The following CCNA2 variants were observed in gnomAD, a reference collection of about 807,000 sequenced individuals.
The protein encoded by CCNA2 is cyclin-A2.
CCNA2 carries 3 observed loss-of-function variants against 49.4 expected under a neutral mutation model. The observed-to-expected ratio is 0.06, with a 90% CI of 0.03 to 0.16. The LOEUF is 0.16. Among genes scored for constraint, CCNA2 ranks in the 10% least tolerant of loss-of-function variants. CCNA2 has a pLI of 1.00. For synonymous variants in CCNA2, 206 were observed against 197.2 expected (o/e 1.04, Z -0.37); for missense variants, 372 against 519.7 (o/e 0.72, Z 2.76).
Position 121,816,495 on chromosome 4 carries a change from T to TA in CCNA2, c.*1142dup, listed in dbSNP as rs1190644205. On this transcript the variant is annotated 3_prime_UTR_variant, in exon 8 of 8. Transcript: ENST00000274026. The stretch of plus-strand genomic sequence containing the variant: ...CAAATGTATACATATACTCAACACT[T>TA]ATAGAGGTTTGCTCTCTGGTTTTAC... 2 of 1,214,102 alleles carry TA rather than the reference T, an allele frequency of 1.6e-6. No individual in the cohort carries two copies. Among genetic ancestry groups the TA allele is most frequent in the East Asian group, 2.4e-5 (1 of 41,836 alleles). The allele number at this position is 1,214,102 out of a possible 1,614,324, so 75.2% of individuals were successfully genotyped here. A position where few individuals can be genotyped will look rare whatever the true frequency, so the allele number is the denominator to read the frequency against.
chr4:121,817,723 A>G (rs1724579607), intron 7 of CCNA2, 37 bp from the exon 8 acceptor site: 1 of 1,611,812 alleles, frequency 6.2e-7, no homozygotes, highest in Non-Finnish European at 8.5e-7. Flanking sequence ...TTTAGTAAAC[A>G]CTCACTGGGT....
rs1479431104 is a variant in CCNA2, at chr4:121,817,527, C to T, written c.*111G>A. The T allele has an allele frequency of 1.4e-5, 19 of 1,333,094 alleles. No homozygotes were observed. Among genetic ancestry groups the T allele is most frequent in the Middle Eastern group, 4.6e-4 (2 of 4,318 alleles). 82.6% of individuals were successfully genotyped at this position (1,333,094 alleles called of 1,614,324 possible). A position where few individuals can be genotyped will look rare whatever the true frequency, so the allele number is the denominator to read the frequency against. On this transcript the variant is annotated 3_prime_UTR_variant, in exon 8 of 8. Coordinates refer to ENST00000274026, the MANE Select transcript of CCNA2 (RefSeq NM_001237.5). ...AATAGATACCATAATTTGTACTTGG[C>T]CACAACTTCTGTATTCAGAAATGAT...
chr4:121,819,037 T>G, intron 5 of CCNA2, 124 bp from the exon 6 acceptor site: 1 of 651,734 alleles, frequency 1.5e-6, no homozygotes, highest in East Asian at 2.7e-5. Context: ...AAAAAATATC[T>G]CACAGCCTCA....
intron 5 of CCNA2, 83 bp downstream of exon 5, chr4:121,819,289 C>CTAGGTTCCTTTACAAAGGAAT (rs1213548664): frequency 7.0e-6 from 7 of 997,072 alleles, no homozygotes; most frequent in African/African-American, 1.6e-5. Context: ...TACAAAGGAA[C>CTAGGTTCCTTTACAAAGGAAT]TAGGTTCCTT....
intron 1 of CCNA2, 130 bp downstream of exon 1, chr4:121,823,286 A>T: frequency 8.8e-7 from 1 of 1,137,062 alleles, no homozygotes; most frequent in Non-Finnish European, 1.2e-6. Context: ...CACCAGCACC[A>T]ACTGCACTCC....
Position 121,820,891 on chromosome 4 carries a change from A to G in CCNA2, c.570+88T>C, listed in dbSNP as rs547194202. The G allele has an allele frequency of 3.1e-6, 4 of 1,299,008 alleles. No individual in the cohort carries two copies. The East Asian group carries it at 7.0e-5, about 23-fold the overall frequency. The allele number at this position is 1,299,008 out of a possible 1,614,324, so 80.5% of individuals were successfully genotyped here. ...AACTGTAGCATTAGAATAATTCATT[A>G]GTTTAAAAATTTAAACATTATCCTC... On this transcript the variant is annotated intron_variant, in intron 3 of 7. Coordinates refer to ENST00000274026, the MANE Select transcript of CCNA2 (RefSeq NM_001237.5). The surrounding 1 kb of genome is among the most constrained non-coding windows in gnomAD (Gnocchi z 4.1).
Position 121,817,664 on chromosome 4 carries a change from T to G in CCNA2, c.1273A>C (p.Asn425His). 1 of 1,613,942 alleles carries G rather than the reference T, an allele frequency of 6.2e-7. No individual in the cohort carries two copies. The highest frequency in any genetic ancestry group is 1.1e-5 in the South Asian group (1 of 91,062). The stretch of plus-strand genomic sequence containing the variant: ...TACAGATTTAGTGTCTCTGGTGGGT[T>G]GAGGAGAGAAACACCATGATACCTG... ...NSKYHGVSLLNPPETLNL is the reference protein window; with the variant it reads ...NSKYHGVSLLHPPETLNL Residue 425 changes from asparagine (N) to histidine (H), a missense_variant, in exon 8 of 8, where the codon AAC becomes CAC. Transcript: ENST00000274026.
Position 121,818,114 on chromosome 4 carries a change from G to T in CCNA2, c.1180C>A (p.Leu394Ile), listed in dbSNP as rs779707812. 8 of 1,613,552 alleles carry T rather than the reference G, an allele frequency of 5.0e-6. No homozygotes were observed. In the Admixed American group the frequency reaches 1.3e-4, roughly 27 times the overall value. The part of the protein sequence containing the change: ...LESLKPCLMD[L>I]HQTYLKAPQH... ...GGTGCTTTGAGGTAGGTCTGGTGAA[G>T]GTCCATGAGACAAGGCTTAAGACTT... Residue 394 changes from leucine to isoleucine, a missense_variant, in exon 7 of 8, where the codon CTT becomes ATT. By Grantham distance (5) the Leu-to-Ile change is conservative. This residue lies in a region of CCNA2 where 155 missense variants were observed against 288.1 expected (regional missense o/e 0.54). Transcript: ENST00000274026.
intron 2 of CCNA2, among the ~76,000 whole-genome samples, 198 bp from the exon 3 acceptor site, chr4:121,821,289 T>C (rs750427900): frequency 6.8e-6 from 1 of 147,538 alleles, no homozygotes; most frequent in Non-Finnish European, 1.5e-5. Flanking sequence ...GGAATGATTT[T>C]AGTTAATGAG....
chr4:121,822,367 T>A, intron 2 of CCNA2, 36 bp downstream of exon 2: 1 of 1,584,276 alleles, frequency 6.3e-7, no homozygotes, highest in African/African-American at 1.4e-5. Flanking sequence ...TAATTATAAT[T>A]ACCGTAATTC....
intron 2 of CCNA2, among the ~76,000 whole-genome samples, chr4:121,821,440 T>C (rs1201137339): frequency 6.6e-6 from 1 of 152,122 alleles, no homozygotes; most frequent in African/African-American, 2.4e-5. Context: ...AAAATCCAAG[T>C]TTTGAGATAA....
Position 121,820,499 on chromosome 4 carries a change from C to A in CCNA2, c.794+43G>T. On this transcript the variant is annotated intron_variant, in intron 4 of 7. Coordinates refer to ENST00000274026, the MANE Select transcript of CCNA2 (RefSeq NM_001237.5). The surrounding 1 kb of genome is among the most constrained non-coding windows in gnomAD (Gnocchi z 4.1). ...TAAAAAAATCAATTTCTTCCCTAGA[C>A]AAAAGGTCGTGATCACTTTTAAACA... The A allele has an allele frequency of 7.1e-7, 1 of 1,414,766 alleles. No homozygotes were observed. The highest frequency in any genetic ancestry group is 9.8e-7 in the Non-Finnish European group (1 of 1,019,962). The allele number at this position is 1,414,766 out of a possible 1,614,324, so 87.6% of individuals were successfully genotyped here.
chr4:121,817,858 T>A lies in CCNA2; in HGVS notation c.1251-172A>T, dbSNP rs543578205. On this transcript the variant is annotated intron_variant, in intron 7 of 7. Transcript: ENST00000274026. ...CCTGAAACACACATGCATGCCCCCT[T>A]CCTTCTCTCTTCTCCCCCAGACCCA... is the stretch of plus-strand genomic sequence containing the variant. Among the ~76,000 whole-genome samples the A allele has an allele frequency of 5.3e-5, 8 of 152,302 alleles. No homozygotes were observed. The South Asian group carries it at 1.4e-3, about 28-fold the overall frequency.
chr4:121,818,254 G>C, intron 6 of CCNA2, 77 bp from the exon 7 acceptor site: 1 of 1,317,008 alleles, frequency 7.6e-7, no homozygotes, highest in Non-Finnish European at 1.1e-6. Flanking sequence ...TTGGCATTAA[G>C]CTTATGTTAA....
chr4:121,817,092 G>C lies in CCNA2; in HGVS notation c.*546C>G, dbSNP rs889885241. 14 of 424,360 alleles carry C rather than the reference G, an allele frequency of 3.3e-5. No homozygotes were observed. In the Admixed American group the frequency reaches 5.0e-4, roughly 15 times the overall value. The allele number at this position is 424,360 out of a possible 1,614,324, so 26.3% of individuals were successfully genotyped here. The stretch of plus-strand genomic sequence containing the variant: ...TCCCAACCTCTGTTGAGTTTACCTC[G>C]CAAAACCTAAACAAACAGGTTTTAC... On this transcript the variant is annotated 3_prime_UTR_variant, in exon 8 of 8. Coordinates refer to ENST00000274026, the MANE Select transcript of CCNA2 (RefSeq NM_001237.5).
At position 121,816,477 on chromosome 4, in the gene CCNA2, A is replaced by C. The variant is rs1724513935; in HGVS notation, c.*1161T>G. 2 of 1,348,054 alleles carry C rather than the reference A, an allele frequency of 1.5e-6. No individual in the cohort carries two copies. The highest frequency in any genetic ancestry group is 4.7e-5 in the East Asian group (2 of 42,766). 83.5% of individuals were successfully genotyped at this position (1,348,054 alleles called of 1,614,324 possible). On this transcript the variant is annotated 3_prime_UTR_variant, in exon 8 of 8. Coordinates refer to ENST00000274026, the MANE Select transcript of CCNA2 (RefSeq NM_001237.5). Reference sequence around the variant, plus strand: ...CAAATTTCTGGTTTATTTCAAATGTATACATATACTCAACACTTATAGAGG... The same window carrying C: ...CAAATTTCTGGTTTATTTCAAATGTCTACATATACTCAACACTTATAGAGG...
At chr4:121,819,346 A>G (rs1225594683) in intron 5 of CCNA2, 26 bp downstream of exon 5, 2 of 1,564,514 alleles carry the variant, frequency 1.3e-6, no homozygotes, top group East Asian at 2.2e-5. Context: ...AAGAATCACC[A>G]TTCAACAAAA....
intron 2 of CCNA2, among the ~76,000 whole-genome samples, chr4:121,822,015 G>A (rs1724702707): frequency 6.6e-6 from 1 of 152,206 alleles, no homozygotes; most frequent in Non-Finnish European, 1.5e-5. Flanking sequence ...TGGAAGAGAC[G>A]TTATGTAATC....
chr4:121,823,727 C>T lies in CCNA2; in HGVS notation c.-99G>A. The T allele has an allele frequency of 6.9e-7, 1 of 1,451,888 alleles. No homozygotes were observed. The highest frequency in any genetic ancestry group is 9.0e-7 in the Non-Finnish European group (1 of 1,105,396). The allele number at this position is 1,451,888 out of a possible 1,614,324, so 89.9% of individuals were successfully genotyped here. On this transcript the variant is annotated 5_prime_UTR_variant, in exon 1 of 8. Coordinates refer to ENST00000274026, the MANE Select transcript of CCNA2 (RefSeq NM_001237.5). The stretch of plus-strand genomic sequence containing the variant: ...CGCACCGACCCGGCCAAAGAATAGT[C>T]GTAGCCGCCGGTCGCAGCCCAGGCC...
Sources: gnomAD v4.1 joint callset for allele counts (sites outside exome capture counted in the v4.1 genomes callset) on GRCh38, gnomAD v4.1.1 for gene constraint, gnomAD v4.1.1 regional missense constraint, Gnocchi (gnomAD v3.1) non-coding constraint, MANE v1.5 for transcripts, NCBI Gene and HGNC (gene_info 2026-07-23, HGNC 2026-07-21) for gene names.